The following SYTL3 variants were observed in gnomAD, a reference collection of about 807,000 sequenced individuals.
SYTL3 encodes synaptotagmin like 3.
Under a neutral mutation model 82.1 loss-of-function variants are expected in SYTL3, and 88 were observed. The ratio of observed to expected loss-of-function variants is 1.07; its 90% CI spans 0.90 to 1.28. The LOEUF (loss-of-function observed/expected upper bound fraction) is 1.28, where lower values mean the gene tolerates loss of function less well. SYTL3 is among the 50% of genes most tolerant of loss of function. The probability of loss-of-function intolerance (pLI) is 0.00; values close to 1 mark genes in which losing one functional copy is unlikely to be tolerated. For synonymous variants in SYTL3, 311 were observed against 289.4 expected, an observed-to-expected ratio of 1.07 and a Z score of -0.76; for missense variants, 831 against 757.6, an observed-to-expected ratio of 1.10 and a Z score of -1.14.
At chr6:158,728,811 C>T (rs1785048972) in intron 11 of SYTL3, among the ~76,000 whole-genome samples, 1 of 152,176 alleles carries the variant, frequency 6.6e-6, no homozygotes, top group Admixed American at 6.5e-5. Context: ...GCGGTGGCGC[C>T]ACTGCACTCC....
chr6:158,730,583 G>A (rs1046689388), intron 11 of SYTL3, among the ~76,000 whole-genome samples: 8 of 152,244 alleles, frequency 5.3e-5, no homozygotes, highest in Middle Eastern at 3.4e-3. Context: ...GTAAGGAATC[G>A]AGACCCACCC....
rs962302262 is a variant in SYTL3 at position 158,664,393 on chromosome 6, A to C, written c.111-1002A>C. On this transcript the variant is annotated intron_variant, in intron 4 of 17. Transcript: ENST00000611299. ...AACCCTGTCTCTACTAAAAATACAAAAATTAGCCGGGCGGTGGCAGGTGCC... is the reference window on the plus strand; with the variant it reads ...AACCCTGTCTCTACTAAAAATACAACAATTAGCCGGGCGGTGGCAGGTGCC... 2.6e-5 allele frequency among the ~76,000 whole-genome samples: 4 copies of C among 152,106 alleles called. No individual in the cohort carries two copies. The South Asian group carries it at 8.3e-4, about 32-fold the overall frequency.
At chr6:158,726,143 C>T in intron 11 of SYTL3, 3 of 423,146 alleles carry the variant, frequency 7.1e-6, no homozygotes, top group South Asian at 6.1e-5. Flanking sequence ...TTTTCTGTCA[C>T]TTCCTCCCTT....
rs1167978441 is a variant in SYTL3 at position 158,749,390 on chromosome 6, G to GAAA, written c.1035-2520_1035-2518dup. 4.0e-3 allele frequency among the ~76,000 whole-genome samples: 207 copies of GAAA among 52,092 alleles called. 3 individuals carry two copies. Among genetic ancestry groups the GAAA allele is most frequent in the African/African-American group, 0.013 (194 of 15,168 alleles). 34.2% of individuals were successfully genotyped at this position (52,092 alleles called of 152,430 possible). A position where few individuals can be genotyped will look rare whatever the true frequency, so the allele number is the denominator to read the frequency against. ...TGGGCAACCAAGTGAGACTCTGTCT[G>GAAA]AAAAAAAAAAAAAAAAAAAAGAAAG... On this transcript the variant is annotated intron_variant, in intron 12 of 17. Coordinates refer to ENST00000611299, the MANE Select transcript of SYTL3 (RefSeq NM_001242394.2).
At chr6:158,725,874 A>T in intron 11 of SYTL3, 1 of 696,552 alleles carries the variant, frequency 1.4e-6, no homozygotes, top group East Asian at 2.7e-5. Flanking sequence ...CAGATTCATT[A>T]TCAATCCACT....
chr6:158,713,893 C>T lies in SYTL3; in HGVS notation c.595+15C>T. 1 of 1,540,692 alleles carries T rather than the reference C, an allele frequency of 6.5e-7. No individual in the cohort carries two copies. Among genetic ancestry groups the T allele is most frequent in the Non-Finnish European group, 8.8e-7 (1 of 1,137,648 alleles). ...CCACGTGAAAAGTAAGTGCATGCTT[C>T]ATGATGTGTTTTCCCACTACCTTCC... On this transcript the variant is annotated intron_variant, in intron 9 of 17. Coordinates refer to ENST00000611299, the MANE Select transcript of SYTL3 (RefSeq NM_001242394.2).
chr6:158,759,298 C>T (rs558685569), intron 14 of SYTL3, among the ~76,000 whole-genome samples: 54 of 152,350 alleles, frequency 3.5e-4, no homozygotes, highest in Admixed American at 1.0e-3. Flanking sequence ...CCCACAGACC[C>T]GCCCCTGGGC....
intron 6 of SYTL3, among the ~76,000 whole-genome samples, chr6:158,704,857 C>CG (rs1562399068): frequency 1.4e-4 from 17 of 123,834 alleles, no homozygotes; most frequent in Non-Finnish European, 2.2e-4. Flanking sequence ...AGGAGGGACC[C>CG]AGGGCAGGGT....
chr6:158,678,309 C>T (rs978878158), intron 5 of SYTL3, among the ~76,000 whole-genome samples: 4 of 152,190 alleles, frequency 2.6e-5, no homozygotes, highest in Non-Finnish European at 4.4e-5. Context: ...CCTGGCTGTG[C>T]AGACCAATTT....
intron 13 of SYTL3, among the ~76,000 whole-genome samples, chr6:158,752,895 T>C (rs1788567335): frequency 6.6e-6 from 1 of 152,138 alleles, no homozygotes; most frequent in Non-Finnish European, 1.5e-5. Context: ...GGGTCCCTAC[T>C]GTGGCCAAGT....
At chr6:158,752,133 A>C (rs1175524243) in intron 13 of SYTL3, 103 bp downstream of exon 13, 3 of 667,592 alleles carry the variant, frequency 4.5e-6, no homozygotes, top group Non-Finnish European at 7.4e-6. Context: ...TGACTCAGTT[A>C]GATATAATAC....
chr6:158,668,020 A>G (rs1484535877), intron 5 of SYTL3, among the ~76,000 whole-genome samples: 3 of 152,176 alleles, frequency 2.0e-5, no homozygotes, highest in Admixed American at 2.0e-4. Context: ...TAAAAGCATA[A>G]AACAATCGTG....
At chr6:158,704,046 C>T (rs1044400070) in intron 6 of SYTL3, among the ~76,000 whole-genome samples, 8 of 151,752 alleles carry the variant, frequency 5.3e-5, no homozygotes, top group African/African-American at 9.7e-5. Flanking sequence ...AGGCTAGTCT[C>T]GAACTTCTGG....
chr6:158,690,846 G>C (rs1227374565), intron 6 of SYTL3, among the ~76,000 whole-genome samples: 1 of 152,094 alleles, frequency 6.6e-6, no homozygotes, highest in Admixed American at 6.6e-5. Flanking sequence ...ACCTTCATAG[G>C]CTCTCTTGCC....
intron 6 of SYTL3, among the ~76,000 whole-genome samples, chr6:158,691,886 C>T (rs1436519343): frequency 3.3e-5 from 5 of 150,338 alleles, no homozygotes; most frequent in African/African-American, 4.9e-5. Context: ...CTCCTGACCT[C>T]GTGATCGGCC....
At position 158,757,278 on chromosome 6, in the gene SYTL3, T is replaced by A; in HGVS notation, c.1205T>A (p.Leu402Gln). Residue 402 changes from leucine (L) to glutamine (Q), a missense_variant, in exon 14 of 18, where the codon CTG becomes CAG. Coordinates refer to ENST00000611299, the MANE Select transcript of SYTL3 (RefSeq NM_001242394.2). Reference sequence around the variant, plus strand: ...GTCTCGGTGTGGCATCTGGGCACGCTGGCCCGGAGAGTGTTTCTTGGAGAA... The same window carrying A: ...GTCTCGGTGTGGCATCTGGGCACGCAGGCCCGGAGAGTGTTTCTTGGAGAA... ...LQVSVWHLGT[L>Q]ARRVFLGEVI... The A allele has an allele frequency of 6.2e-7, 1 of 1,613,486 alleles. No individual in the cohort carries two copies. Among genetic ancestry groups the A allele is most frequent in the Non-Finnish European group, 8.5e-7 (1 of 1,179,930 alleles).
At chr6:158,734,931 A>G (rs1023244043) in intron 11 of SYTL3, among the ~76,000 whole-genome samples, 7 of 152,230 alleles carry the variant, frequency 4.6e-5, no homozygotes. Context: ...ACAAATGAGG[A>G]ACCTGAGGTT....
chr6:158,728,631 C>A (rs1205011264), intron 11 of SYTL3, among the ~76,000 whole-genome samples: 1 of 152,160 alleles, frequency 6.6e-6, no homozygotes, highest in Non-Finnish European at 1.5e-5. Flanking sequence ...TTCATTCGTT[C>A]ATTCATTTGT....
Position 158,693,859 on chromosome 6 carries a change from T to TCTTTTC in SYTL3, c.394+10870_394+10871insCTTTTC, listed in dbSNP as rs1554251460. On this transcript the variant is annotated intron_variant, in intron 6 of 17. Transcript: ENST00000611299. ...TCCAGCCTTTCTTTTTCTTTTCTTT[T>TCTTTTC]TTTTTTTTTTTTTTGTAGATACAGG... Among the ~76,000 whole-genome samples, 232 of 102,108 alleles carry TCTTTTC rather than the reference T, an allele frequency of 2.3e-3. 8 individuals are homozygous for TCTTTTC. The highest frequency in any genetic ancestry group is 5.2e-3 in the African/African-American group (118 of 22,672). 67.0% of individuals were successfully genotyped at this position (102,108 alleles called of 152,430 possible).
Sources: allele counts gnomAD v4.1 joint callset (sites outside exome capture counted in the v4.1 genomes callset), GRCh38; gene constraint gnomAD v4.1.1; transcripts MANE v1.5; gene names NCBI Gene and HGNC (gene_info 2026-07-23, HGNC 2026-07-21).